GRAP: variants seen among roughly 807,000 people sequenced by gnomAD.
GRAP encodes GRB2-related adapter protein.
A neutral mutation model predicts 9.1 loss-of-function variants in GRAP; 2 were observed. That is an observed-to-expected ratio of 0.22 (90% CI 0.09 to 0.69). The LOEUF is 0.69. GRAP is among the 30% of genes least tolerant of loss of function. GRAP has a pLI of 0.81. For missense variants in GRAP, 113 were observed against 179.4 expected (o/e 0.63, Z 2.12); for synonymous variants, 68 against 73.6 (o/e 0.92, Z 0.39).
rs1310406146 is a variant in GRAP, at chr17:19,021,132, C to T, written c.*827G>A. 2 of 152,334 alleles carry T rather than the reference C, an allele frequency of 1.3e-5. No homozygotes were observed. Among genetic ancestry groups the T allele is most frequent in the African/African-American group, 4.8e-5 (2 of 41,470 alleles). 9.4% of individuals were successfully genotyped at this position (152,334 alleles called of 1,614,324 possible). A position where few individuals can be genotyped will look rare whatever the true frequency, so the allele number is the denominator to read the frequency against. ...ATCCTGTAGGATCTCTAAAACCTAGCTCTGGCCCCAACTTTCTGTCTGCCC... is the reference window on the plus strand; with the variant it reads ...ATCCTGTAGGATCTCTAAAACCTAGTTCTGGCCCCAACTTTCTGTCTGCCC... On this transcript the variant is annotated 3_prime_UTR_variant, in exon 5 of 5. Transcript: ENST00000284154. The surrounding 1 kb of genome is among the most constrained non-coding windows in gnomAD (Gnocchi z 4.1).
chr17:19,030,378 G>A, intron 3 of GRAP: 2 of 132,914 alleles, frequency 1.5e-5, no homozygotes, highest in Admixed American at 2.0e-4. Flanking sequence ...GGACCCACCT[G>A]GGTGCTAACT....
Position 19,024,525 on chromosome 17 carries a change from C to T in GRAP, c.300-142G>A. 4.4e-6 allele frequency: 6 copies of T among 1,371,906 alleles called. No homozygotes were observed. The highest frequency in any genetic ancestry group is 5.8e-6 in the Non-Finnish European group (6 of 1,033,428). 85.0% of individuals were successfully genotyped at this position (1,371,906 alleles called of 1,614,324 possible). On this transcript the variant is annotated intron_variant, in intron 3 of 4. Coordinates refer to ENST00000284154, the MANE Select transcript of GRAP (RefSeq NM_006613.4). This position sits in a 1 kb window ranked among gnomAD's most constrained non-coding sequence, Gnocchi z 4.2. ...TCAGATAAGGTGCAAGTGGGAGAGG[C>T]CCCACTGACCCAGCTCCACATGGGG...
At chr17:19,048,085 T>C (rs1245095262), upstream of GRAP, among the ~76,000 whole-genome samples, 2 of 93,066 alleles carry the variant, frequency 2.1e-5, no homozygotes, top group African/African-American at 7.4e-5. Flanking sequence ...CTTGAATTCC[T>C]GGACTCAAGC....
chr17:19,022,123 G>A lies in GRAP; in HGVS notation c.490C>T (p.Gln164Ter). ...TGGGCTGAGAAGTCAAACTGGGCCTGGGCAAAGCAGGCCCCAGGTGACTGC... is the reference window on the plus strand; with the variant it reads ...TGGGCTGAGAAGTCAAACTGGGCCTAGGCAAAGCAGGCCCCAGGTGACTGC... ...LLKSPGACFA[Q>*]AQFDFSAQDP... The change falls in exon 5 of 5, where the codon CAG (glutamine) becomes TAG (stop). Residue 164 changes from glutamine (Q) to a stop codon, truncating the protein, a stop_gained. Coordinates refer to ENST00000284154, the MANE Select transcript of GRAP (RefSeq NM_006613.4). LOFTEE classifies it low-confidence loss of function (END_TRUNC). 6.5e-7 allele frequency: 1 copy of A among 1,533,408 alleles called. No individual in the cohort carries two copies. Among genetic ancestry groups the A allele is most frequent in the Non-Finnish European group, 8.8e-7 (1 of 1,141,494 alleles). 95.0% of individuals were successfully genotyped at this position (1,533,408 alleles called of 1,614,324 possible).
Position 19,021,888 on chromosome 17 carries a change from G to A in GRAP, c.*71C>T, listed in dbSNP as rs2044269645. 1.4e-6 allele frequency: 2 copies of A among 1,396,302 alleles called. No individual in the cohort carries two copies. 86.5% of individuals were successfully genotyped at this position (1,396,302 alleles called of 1,614,324 possible). ...CCCCGTGTGACTCTGACAGAGCTGG[G>A]GGTGTCCATGTCCTCTCTGGACCTC... On this transcript the variant is annotated 3_prime_UTR_variant, in exon 5 of 5. Coordinates refer to ENST00000284154, the MANE Select transcript of GRAP (RefSeq NM_006613.4). The surrounding 1 kb of genome is among the most constrained non-coding windows in gnomAD (Gnocchi z 4.1).
Position 19,024,298 on chromosome 17 carries a change from T to C in GRAP, c.385A>G (p.Asn129Asp), listed in dbSNP as rs749073401. 2.5e-6 allele frequency: 4 copies of C among 1,610,624 alleles called. No homozygotes were observed. The highest frequency in any genetic ancestry group is 3.4e-6 in the Non-Finnish European group (4 of 1,178,536). The change falls in exon 4 of 5, where the codon AAC becomes GAC. Residue 129 changes from asparagine to aspartate, a missense_variant. Around this residue, in one of 2 missense-constraint regions of GRAP, gnomAD observed 113 missense variants for 163.3 expected, o/e 0.69. Transcript: ENST00000284154. This position sits in a 1 kb window ranked among gnomAD's most constrained non-coding sequence, Gnocchi z 4.2. ...FLWEEKFNSL[N>D]ELVDFYRTTT... is the part of the protein sequence containing the mutation. The stretch of plus-strand genomic sequence containing the variant: ...GTGCGGTAGAAGTCGACCAGCTCGT[T>C]GAGGGAGTTGAACTTCTCCTCCCAC...
Position 19,021,888 on chromosome 17 carries a change from G to C in GRAP, c.*71C>G. ...CCCCGTGTGACTCTGACAGAGCTGG[G>C]GGTGTCCATGTCCTCTCTGGACCTC... On this transcript the variant is annotated 3_prime_UTR_variant, in exon 5 of 5. Coordinates refer to ENST00000284154, the MANE Select transcript of GRAP (RefSeq NM_006613.4). This position sits in a 1 kb window ranked among gnomAD's most constrained non-coding sequence, Gnocchi z 4.1. 1 of 1,396,302 alleles carries C rather than the reference G, an allele frequency of 7.2e-7. No individual in the cohort carries two copies. The highest frequency in any genetic ancestry group is 1.6e-5 in the South Asian group (1 of 64,318). 86.5% of individuals were successfully genotyped at this position (1,396,302 alleles called of 1,614,324 possible).
At chr17:19,031,580 G>A (rs2044337808) in intron 3 of GRAP, 1 of 132,674 alleles carries the variant, frequency 7.5e-6, no homozygotes, top group African/African-American at 2.9e-5. Context: ...AGTCCTTGGA[G>A]CCTTAATATA....
chr17:19,031,463 C>T (rs1487868974), intron 3 of GRAP: 3 of 130,534 alleles, frequency 2.3e-5, no homozygotes, highest in African/African-American at 6.0e-5. Flanking sequence ...TCCCTGACTC[C>T]CTGTGCTGCT....
Position 19,024,440 on chromosome 17 carries a change from C to T in GRAP, c.300-57G>A. 1 of 1,565,034 alleles carries T rather than the reference C, an allele frequency of 6.4e-7. No homozygotes were observed. The highest frequency in any genetic ancestry group is 1.2e-5 in the South Asian group (1 of 85,826). On this transcript the variant is annotated intron_variant, in intron 3 of 4. Coordinates refer to ENST00000284154, the MANE Select transcript of GRAP (RefSeq NM_006613.4). The surrounding 1 kb of genome is among the most constrained non-coding windows in gnomAD (Gnocchi z 4.2). ...GGTGGCCGTCCCAGCCTGGCATGGTCCCAGGGGCTCCCGTCTCACTACCAC... is the reference window on the plus strand; with the variant it reads ...GGTGGCCGTCCCAGCCTGGCATGGTTCCAGGGGCTCCCGTCTCACTACCAC...
chr17:19,048,178 A>AG (rs1202496195), upstream of GRAP, among the ~76,000 whole-genome samples: 2 of 127,956 alleles, frequency 1.6e-5, no homozygotes, highest in Admixed American at 8.7e-5. Flanking sequence ...AAAAAAAAAA[A>AG]AGAGAATTGT....
rs1487535939 is a variant in GRAP, at chr17:19,021,189, T to G, written c.*770A>C. ...TTTCTCAGCCTCCTGAGAGCTCTGCTGGGCCCCGGTCTGGGCAGAACCTGG... is the reference window on the plus strand; with the variant it reads ...TTTCTCAGCCTCCTGAGAGCTCTGCGGGGCCCCGGTCTGGGCAGAACCTGG... On this transcript the variant is annotated 3_prime_UTR_variant, in exon 5 of 5. Coordinates refer to ENST00000284154, the MANE Select transcript of GRAP (RefSeq NM_006613.4). The surrounding 1 kb of genome is among the most constrained non-coding windows in gnomAD (Gnocchi z 4.1). 1 of 152,332 alleles carries G rather than the reference T, an allele frequency of 6.6e-6. No individual in the cohort carries two copies. The highest frequency in any genetic ancestry group is 2.4e-5 in the African/African-American group (1 of 41,468). 9.4% of individuals were successfully genotyped at this position (152,332 alleles called of 1,614,324 possible).
In GRAP at chr17:19,024,943, C is replaced by G. The variant is rs914296828; in HGVS notation, c.300-560G>C. On this transcript the variant is annotated intron_variant, in intron 3 of 4. Coordinates refer to ENST00000284154, the MANE Select transcript of GRAP (RefSeq NM_006613.4). This position sits in a 1 kb window ranked among gnomAD's most constrained non-coding sequence, Gnocchi z 4.2. Reference sequence around the variant, plus strand: ...CTGTTGAATGTCTCACGTCCTCCCCCTCCCATGAACCTTCCGTGGCTTCTC... The same window carrying G: ...CTGTTGAATGTCTCACGTCCTCCCCGTCCCATGAACCTTCCGTGGCTTCTC... Among the ~76,000 whole-genome samples the G allele has an allele frequency of 2.0e-5, 3 of 152,192 alleles. No individual in the cohort carries two copies. Among genetic ancestry groups the G allele is most frequent in the Non-Finnish European group, 4.4e-5 (3 of 68,038 alleles).
intron 3 of GRAP, among the ~76,000 whole-genome samples, chr17:19,025,622 T>C (rs1418195573): frequency 7.2e-6 from 1 of 139,762 alleles, no homozygotes; most frequent in Non-Finnish European, 1.5e-5. Context: ...TTCTTTTTTT[T>C]TTTTTTTTGA....
chr17:19,020,670 A>C lies in GRAP; in HGVS notation c.*1289T>G, dbSNP rs926067711. On this transcript the variant is annotated 3_prime_UTR_variant, in exon 5 of 5. Coordinates refer to ENST00000284154, the MANE Select transcript of GRAP (RefSeq NM_006613.4). ...AGCAGTCAGCATTGGAAGGAAAATT[A>C]GATTTCTGACGGACATCCTGATGTT... 31 of 558,066 alleles carry C rather than the reference A, an allele frequency of 5.6e-5. No individual in the cohort carries two copies. Among genetic ancestry groups the C allele is most frequent in the African/African-American group, 4.9e-4 (26 of 53,300 alleles). The allele number at this position is 558,066 out of a possible 1,614,324, so 34.6% of individuals were successfully genotyped here. A position where few individuals can be genotyped will look rare whatever the true frequency, so the allele number is the denominator to read the frequency against.
At chr17:19,027,484 G>GCGCACACA (rs1555583245) in intron 3 of GRAP, among the ~76,000 whole-genome samples, 146 of 121,206 alleles carry the variant, frequency 1.2e-3, no homozygotes, top group African/African-American at 4.0e-3. Context: ...GCGCGCGCGC[G>GCGCACACA]CACACACACA....
Position 19,022,019 on chromosome 17 carries a change from G to A in GRAP, c.594C>T (p.Gly198=). The change falls in exon 5 of 5, where the codon GGC becomes GGT. Residue 198 remains glycine, a synonymous_variant. Transcript: ENST00000284154. ...AGAAGCCAACGCGCCCGCAGGACCG[G>A]CCCCGCCACCAGTGGGGGTCTGGGC... is the stretch of plus-strand genomic sequence containing the variant. ...LERPDPHWWR[G]RSCGRVGFFP... The A allele has an allele frequency of 6.3e-7, 1 of 1,598,832 alleles. No individual in the cohort carries two copies. Among genetic ancestry groups the A allele is most frequent in the East Asian group, 2.3e-5 (1 of 43,824 alleles).
chr17:19,021,971 G>A lies in GRAP; in HGVS notation c.642C>T (p.Pro214=), dbSNP rs1181975582. The change falls in exon 5 of 5, where the codon CCC becomes CCT. Residue 214 remains proline (P), a synonymous_variant. Transcript: ENST00000284154. The surrounding 1 kb of genome is among the most constrained non-coding windows in gnomAD (Gnocchi z 4.1). Reference sequence around the variant, plus strand: ...GCCGCCGGGCTGCTCACAGGTGCACGGGCTGCACGTAACTCCGTGGGAAGA... The same window carrying A: ...GCCGCCGGGCTGCTCACAGGTGCACAGGCTGCACGTAACTCCGTGGGAAGA... ...VGFFPRSYVQ[P]VHL 4 of 1,561,206 alleles carry A rather than the reference G, an allele frequency of 2.6e-6. No homozygotes were observed. The highest frequency in any genetic ancestry group is 2.1e-4 in the Middle Eastern group (1 of 4,688).
In GRAP at chr17:19,024,497, G is replaced by C; in HGVS notation, c.300-114C>G. On this transcript the variant is annotated intron_variant, in intron 3 of 4. Coordinates refer to ENST00000284154, the MANE Select transcript of GRAP (RefSeq NM_006613.4). This position sits in a 1 kb window ranked among gnomAD's most constrained non-coding sequence, Gnocchi z 4.2. Reference sequence around the variant, plus strand: ...CCAGCCTGTCTCACGGTGGGACCTGGAGTCAGATAAGGTGCAAGTGGGAGA... The same window carrying C: ...CCAGCCTGTCTCACGGTGGGACCTGCAGTCAGATAAGGTGCAAGTGGGAGA... The C allele has an allele frequency of 2.7e-6, 4 of 1,473,674 alleles. 1 individual carries two copies. Among genetic ancestry groups the C allele is most frequent in the Non-Finnish European group, 3.6e-6 (4 of 1,110,374 alleles). The allele number at this position is 1,473,674 out of a possible 1,614,324, so 91.3% of individuals were successfully genotyped here.
Sources: gnomAD v4.1 joint callset for allele counts (sites outside exome capture counted in the v4.1 genomes callset) on GRCh38, gnomAD v4.1.1 for gene constraint, gnomAD v4.1.1 regional missense constraint, Gnocchi (gnomAD v3.1) non-coding constraint, MANE v1.5 for transcripts, NCBI Gene and HGNC (gene_info 2026-07-23, HGNC 2026-07-21) for gene names.